Variants in KIF5B observed in about 807,000 individuals in gnomAD.
KIF5B encodes kinesin-1 heavy chain.
KIF5B carries 49 observed loss-of-function variants against 132.8 expected under a neutral mutation model. The observed-to-expected ratio is 0.37, with a 90% CI of 0.29 to 0.47. The LOEUF is 0.47. Among genes scored for constraint, KIF5B ranks in the 20% least tolerant of loss-of-function variants. KIF5B has a pLI of 1.00. For synonymous variants in KIF5B, 355 were observed against 369.4 expected (o/e 0.96, Z 0.45); for missense variants, 780 against 1,144.0 (o/e 0.68, Z 4.59).
chr10:32,051,440 A>G (rs1841693792), intron 1 of KIF5B, among the ~76,000 whole-genome samples: 1 of 152,228 alleles, frequency 6.6e-6, no homozygotes, highest in Non-Finnish European at 1.5e-5. Flanking sequence ...CAGCTTCATA[A>G]TAGTAAACAG....
At chr10:32,047,046 AC>A (rs1439395836) in intron 2 of KIF5B, among the ~76,000 whole-genome samples, 14 of 152,236 alleles carry the variant, frequency 9.2e-5, no homozygotes, top group Non-Finnish European at 1.5e-4. Flanking sequence ...TTTATTGAAT[AC>A]TATACTGAAA....
chr10:32,017,352 C>T lies in KIF5B; in HGVS notation c.2552G>A (p.Arg851His), dbSNP rs200746362. The change falls in exon 24 of 26, where the codon CGT (arginine) becomes CAT (histidine). Residue 851 changes from arginine to histidine, a missense_variant. By Grantham distance (29) the Arg-to-His change is conservative (BLOSUM62 0). Coordinates refer to ENST00000302418, the MANE Select transcript of KIF5B (RefSeq NM_004521.3). ...TTCACAGCGGAGATCTGCATTATCACGTACCAACTAAACGTACACAAAGAA... is the reference window on the plus strand; with the variant it reads ...TTCACAGCGGAGATCTGCATTATCATGTACCAACTAAACGTACACAAAGAA... Reference protein sequence around the residue: ...QLTKVHKQLVRDNADLRCELP... With the variant: ...QLTKVHKQLVHDNADLRCELP... The T allele has an allele frequency of 9.9e-6, 16 of 1,612,754 alleles. No individual in the cohort carries two copies. In the Admixed American group the frequency reaches 1.0e-4, roughly 10 times the overall value.
intron 1 of KIF5B, among the ~76,000 whole-genome samples, chr10:32,052,583 T>C (rs975357840): frequency 1.3e-5 from 2 of 152,236 alleles, no homozygotes; most frequent in African/African-American, 4.8e-5. Context: ...AATTTTTTTA[T>C]TGATTTTTCT....
intron 25 of KIF5B, among the ~76,000 whole-genome samples, chr10:32,013,016 C>T (rs1841105734): frequency 6.6e-6 from 1 of 151,922 alleles, no homozygotes; most frequent in Non-Finnish European, 1.5e-5. Flanking sequence ...ATTCTCCTGC[C>T]CCAGCCTCCC....
chr10:32,035,875 G>C lies in KIF5B; in HGVS notation c.816+15C>G, dbSNP rs753441322. ...CCCATAAGGTAACAGGGAGATAGAAGACATGTATACTCACACTACCCTCAG... is the reference window on the plus strand; with the variant it reads ...CCCATAAGGTAACAGGGAGATAGAACACATGTATACTCACACTACCCTCAG... On this transcript the variant is annotated intron_variant, in intron 9 of 25. Transcript: ENST00000302418. The C allele has an allele frequency of 1.3e-6, 2 of 1,581,270 alleles. No individual in the cohort carries two copies. The highest frequency in any genetic ancestry group is 2.3e-5 in the South Asian group (2 of 88,606).
intron 2 of KIF5B, among the ~76,000 whole-genome samples, chr10:32,042,688 G>A (rs1166230204): frequency 6.6e-6 from 1 of 152,052 alleles, no homozygotes; most frequent in African/African-American, 2.4e-5. Flanking sequence ...ATATACTTTT[G>A]CCATTCCTAT....
rs745430029 is a variant in KIF5B, at chr10:32,028,505, G to GT, written c.1647dup (p.Arg550ThrfsTer4). ...AAAGATGCCATCATCTCAGCTGCTC[G>GT]TTTTTTCTGGTGGTTGGTCATTTCC... On this transcript the variant is annotated frameshift_variant, in exon 15 of 26. Transcript: ENST00000302418. LOFTEE classifies it high-confidence loss of function. 2 of 1,613,376 alleles carry GT rather than the reference G, an allele frequency of 1.2e-6. No homozygotes were observed.
chr10:32,046,105 T>C (rs1250139947), intron 2 of KIF5B, among the ~76,000 whole-genome samples: 1 of 151,686 alleles, frequency 6.6e-6, no homozygotes, highest in Non-Finnish European at 1.5e-5. Context: ...ATGAACAAAA[T>C]GGAATCTGCA....
At position 32,017,166 on chromosome 10, in the gene KIF5B, C is replaced by T. The variant is rs2132579205; in HGVS notation, c.2738G>A (p.Arg913Lys). 6.2e-7 allele frequency: 1 copy of T among 1,614,162 alleles called. No homozygotes were observed. Among genetic ancestry groups the T allele is most frequent in the Admixed American group, 1.7e-5 (1 of 60,032 alleles). The change falls in exon 24 of 26, where the codon AGA becomes AAA. Residue 913 changes from arginine (R) to lysine (K), a missense_variant. Transcript: ENST00000302418. ...KEAVRSKNMA[R>K]RGHSAQIAKP... ...ACCAATCTGTGCAGAATGCCCTCTT[C>T]TGGCCATATTCTTTGACCTGACTGC...
intron 21 of KIF5B, 54 bp downstream of exon 21, chr10:32,018,448 A>G: frequency 6.3e-7 from 1 of 1,590,436 alleles, no homozygotes; most frequent in Non-Finnish European, 8.5e-7. Flanking sequence ...TAATCATGGT[A>G]GAAAAAACCC....
At chr10:32,038,978 C>A in intron 4 of KIF5B, 152 bp from the exon 5 acceptor site, 1 of 614,026 alleles carries the variant, frequency 1.6e-6, no homozygotes, top group Non-Finnish European at 2.9e-6. Context: ...CATAAATTAG[C>A]CAAATTAGCT....
chr10:32,025,291 A>G (rs1464082356), intron 15 of KIF5B, among the ~76,000 whole-genome samples: 1 of 152,258 alleles, frequency 6.6e-6, no homozygotes, highest in East Asian at 1.9e-4. Flanking sequence ...AAGCTAACAT[A>G]GTCATAACGT....
At chr10:32,015,986 AT>A (rs1439912202) in intron 24 of KIF5B, among the ~76,000 whole-genome samples, 3 of 152,096 alleles carry the variant, frequency 2.0e-5, no homozygotes, top group African/African-American at 7.2e-5. Context: ...TCTACAGAAT[AT>A]AAAAAAATTA....
chr10:32,046,783 T>G (rs1223436164), intron 2 of KIF5B, among the ~76,000 whole-genome samples: 1 of 152,174 alleles, frequency 6.6e-6, no homozygotes, highest in African/African-American at 2.4e-5. Context: ...CATTACTAAC[T>G]GCATTGCTTC....
rs202228136 is a variant in KIF5B, at chr10:32,032,728, G to A, written c.1352C>T (p.Thr451Met). 8.5e-5 allele frequency: 137 copies of A among 1,613,678 alleles called. No individual in the cohort carries two copies. The highest frequency in any genetic ancestry group is 1.0e-4 in the Non-Finnish European group (123 of 1,179,736). Residue 451 changes from threonine (T) to methionine (M), a missense_variant, in exon 13 of 26, where the codon ACG (threonine) becomes ATG (methionine). By Grantham distance (81) the Thr-to-Met change is moderately conservative (BLOSUM62 -1). Coordinates refer to ENST00000302418, the MANE Select transcript of KIF5B (RefSeq NM_004521.3). ...QQSQLVEKLK[T>M]QMLDQEELLA... is the part of the protein sequence containing the mutation. ...CACCTCCTCCTGATCCAACATTTGC[G>A]TCTTCAGTTTCTCTACCAGTTGACT...
At chr10:32,055,763 A>C in intron 1 of KIF5B, 85 bp downstream of exon 1, 1 of 1,543,708 alleles carries the variant, frequency 6.5e-7, no homozygotes, top group East Asian at 2.3e-5. Flanking sequence ...CTCCCTTTCA[A>C]TTCTGCACCC....
intron 25 of KIF5B, among the ~76,000 whole-genome samples, chr10:32,014,777 T>G (rs1841135067): frequency 6.6e-6 from 1 of 152,198 alleles, no homozygotes; most frequent in African/African-American, 2.4e-5. Flanking sequence ...TCCTTGTAAT[T>G]GCATTTCTGG....
At chr10:32,030,921 A>C (rs1841395541) in intron 14 of KIF5B, 152 bp downstream of exon 14, 1 of 619,254 alleles carries the variant, frequency 1.6e-6, no homozygotes, top group Non-Finnish European at 2.8e-6. Context: ...CTAAGGCTTC[A>C]TATACAGAAA....
At chr10:32,023,250 T>C (rs1592441296) in intron 15 of KIF5B, among the ~76,000 whole-genome samples, 1 of 152,200 alleles carries the variant, frequency 6.6e-6, no homozygotes, top group East Asian at 1.9e-4. Context: ...AAACTGAGAA[T>C]AATGTTAATA....
Sources: allele counts gnomAD v4.1 joint callset (sites outside exome capture counted in the v4.1 genomes callset), GRCh38; gene constraint gnomAD v4.1.1; transcripts MANE v1.5; gene names NCBI Gene and HGNC (gene_info 2026-07-23, HGNC 2026-07-21).